The following ZCCHC17 variants were observed in gnomAD, a reference collection of about 807,000 sequenced individuals.
ZCCHC17 encodes zinc finger CCHC domain-containing protein 17.
Under a neutral mutation model 30.6 loss-of-function variants are expected in ZCCHC17, and 18 were observed. That is an observed-to-expected ratio of 0.59 (90% CI 0.41 to 0.87). ZCCHC17 has a LOEUF of 0.87. Among genes scored for constraint, ZCCHC17 ranks in the 40% least tolerant of loss-of-function variants. The pLI is 0.00. For synonymous variants in ZCCHC17, 88 were observed against 92.4 expected, an observed-to-expected ratio of 0.95 and a Z score of 0.27; for missense variants, 263 against 284.2, an observed-to-expected ratio of 0.93 and a Z score of 0.54.
chr1:31,318,691 C>G (rs572382908), intron 2 of ZCCHC17, among the ~76,000 whole-genome samples: 24 of 152,218 alleles, frequency 1.6e-4, no homozygotes, highest in Non-Finnish European at 2.5e-4. Flanking sequence ...TTAAAGTTCT[C>G]TGTATTGGGT....
chr1:31,300,893 A>G (rs1646294947), intron 1 of ZCCHC17, among the ~76,000 whole-genome samples: 2 of 151,500 alleles, frequency 1.3e-5, no homozygotes, highest in African/African-American at 4.8e-5. Flanking sequence ...AGATCGCGCC[A>G]TTGCACTCTA....
At chr1:31,339,782 AG>A (rs916446788) in intron 5 of ZCCHC17, among the ~76,000 whole-genome samples, 4 of 152,126 alleles carry the variant, frequency 2.6e-5, no homozygotes, top group African/African-American at 7.2e-5. Flanking sequence ...AGAGTAATCC[AG>A]GAACAACTCC....
chr1:31,331,678 C>G (rs1445493299), intron 3 of ZCCHC17, among the ~76,000 whole-genome samples: 2 of 151,372 alleles, frequency 1.3e-5, no homozygotes, highest in African/African-American at 4.9e-5. Flanking sequence ...ATGGCTCGAT[C>G]TCGGGTCACT....
intron 3 of ZCCHC17, among the ~76,000 whole-genome samples, chr1:31,322,976 T>C (rs1283370330): frequency 6.6e-6 from 1 of 152,138 alleles, no homozygotes; most frequent in Non-Finnish European, 1.5e-5. Flanking sequence ...CGTCTTGGCC[T>C]CCCAAAGTGC....
rs1569760339 is a variant in ZCCHC17 at position 31,310,074 on chromosome 1, A to G, written c.-25A>G. The G allele has an allele frequency of 6.2e-7, 1 of 1,612,608 alleles. No homozygotes were observed. The highest frequency in any genetic ancestry group is 8.5e-7 in the Non-Finnish European group (1 of 1,179,214). On this transcript the variant is annotated 5_prime_UTR_variant, in exon 2 of 8. It removes an upstream start codon present in the reference 5' UTR. Coordinates refer to ENST00000344147, the MANE Select transcript of ZCCHC17 (RefSeq NM_016505.4). ...TTGTATTAGCTTTAATAGAAGAGAA[A>G]TGGAGGAGCCATAGAATATTAAGGA... is the stretch of plus-strand genomic sequence containing the variant.
intron 7 of ZCCHC17, among the ~76,000 whole-genome samples, chr1:31,351,812 A>G (rs1639480133): frequency 6.6e-6 from 1 of 152,144 alleles, no homozygotes; most frequent in Admixed American, 6.5e-5. Context: ...TTCTCACCCT[A>G]TGCTTTAACT....
intron 3 of ZCCHC17, among the ~76,000 whole-genome samples, chr1:31,329,108 C>A (rs1638475721): frequency 6.6e-6 from 1 of 152,156 alleles, no homozygotes; most frequent in Non-Finnish European, 1.5e-5. Flanking sequence ...AAAATAAACT[C>A]AGGTATAATC....
intron 5 of ZCCHC17, among the ~76,000 whole-genome samples, chr1:31,345,996 A>G (rs1639256709): frequency 6.6e-6 from 1 of 152,122 alleles, no homozygotes; most frequent in Non-Finnish European, 1.5e-5. Flanking sequence ...AAGTCTAAAA[A>G]TGTTTTAAAA....
intron 5 of ZCCHC17, among the ~76,000 whole-genome samples, chr1:31,346,018 A>G (rs1639257707): frequency 6.6e-6 from 1 of 152,190 alleles, no homozygotes; most frequent in Non-Finnish European, 1.5e-5. Context: ...GCTATGAGAA[A>G]TGCAACAAAG....
At chr1:31,325,700 C>A (rs1424585428) in intron 3 of ZCCHC17, among the ~76,000 whole-genome samples, 2 of 152,210 alleles carry the variant, frequency 1.3e-5, no homozygotes, top group African/African-American at 2.4e-5. Context: ...GCCCATTAGA[C>A]CAAGTGGATG....
At chr1:31,319,070 C>A (rs190508307) in intron 2 of ZCCHC17, 39 bp from the exon 3 acceptor site, 39 of 1,587,660 alleles carry the variant, frequency 2.5e-5, no homozygotes, top group Non-Finnish European at 2.8e-5. Context: ...GAAAGATTCT[C>A]ATGTATGTGA....
chr1:31,299,430 C>T (rs547983282), intron 1 of ZCCHC17, among the ~76,000 whole-genome samples: 1 of 152,336 alleles, frequency 6.6e-6, no homozygotes, highest in East Asian at 1.9e-4. Context: ...CACATTCTAA[C>T]CTCTAATATG....
intron 7 of ZCCHC17, among the ~76,000 whole-genome samples, chr1:31,363,182 CTTTTTTTTT>C (rs374893533): frequency 7.4e-6 from 1 of 135,644 alleles, no homozygotes; most frequent in African/African-American, 2.8e-5. Flanking sequence ...ATGTCTTATA[CTTTTTTTTT>C]TTTTTTTTTT....
intron 7 of ZCCHC17, among the ~76,000 whole-genome samples, chr1:31,361,184 T>C (rs1639876503): frequency 1.3e-5 from 2 of 152,310 alleles, no homozygotes; most frequent in South Asian, 2.1e-4. Flanking sequence ...ATGGTTGTTA[T>C]AGCTCGGTAA....
chr1:31,321,634 C>T (rs1247265857), intron 3 of ZCCHC17, among the ~76,000 whole-genome samples: 1 of 152,104 alleles, frequency 6.6e-6, no homozygotes, highest in Non-Finnish European at 1.5e-5. Flanking sequence ...GCCACCACAC[C>T]CGGCTAATTT....
At chr1:31,306,737 A>G (rs562690867) in intron 1 of ZCCHC17, among the ~76,000 whole-genome samples, 1 of 152,098 alleles carries the variant, frequency 6.6e-6, no homozygotes, top group South Asian at 2.1e-4. Context: ...GCATGATCGT[A>G]CCTCACTGCA....
At chr1:31,361,733 A>G (rs918030384) in intron 7 of ZCCHC17, among the ~76,000 whole-genome samples, 1 of 152,142 alleles carries the variant, frequency 6.6e-6, no homozygotes, top group Non-Finnish European at 1.5e-5. Flanking sequence ...CAAGCCTTAG[A>G]TACTATCTCA....
At chr1:31,351,608 G>A (rs900638751) in intron 7 of ZCCHC17, among the ~76,000 whole-genome samples, 35 of 152,166 alleles carry the variant, frequency 2.3e-4, no homozygotes, top group African/African-American at 7.2e-4. Flanking sequence ...TGGGCATGGT[G>A]GGGCACGGAC....
intron 7 of ZCCHC17, among the ~76,000 whole-genome samples, chr1:31,353,022 C>T (rs1199207298): frequency 2.0e-5 from 3 of 152,234 alleles, no homozygotes; most frequent in Non-Finnish European, 2.9e-5. Flanking sequence ...TCCTTGCCAA[C>T]ACTTATTTTC....
Sources: allele counts gnomAD v4.1 joint callset (sites outside exome capture counted in the v4.1 genomes callset), GRCh38; gene constraint gnomAD v4.1.1; transcripts MANE v1.5; gene names NCBI Gene and HGNC (gene_info 2026-07-23, HGNC 2026-07-21).